The following PRKN variants were observed in gnomAD, a reference collection of about 807,000 sequenced individuals.
PRKN encodes parkin RBR E3 ubiquitin protein ligase.
A neutral mutation model predicts 59.5 loss-of-function variants in PRKN; 56 were observed. The observed-to-expected ratio is 0.94, with a 90% CI of 0.76 to 1.18. The LOEUF is 1.18. PRKN is among the 50% of genes most tolerant of loss of function. The pLI is 0.00. For missense variants in PRKN, 657 were observed against 596.4 expected (o/e 1.10, Z -1.06); for synonymous variants, 250 against 222.1 (o/e 1.13, Z -1.12).
intron 6 of PRKN, among the ~76,000 whole-genome samples, chr6:161,807,895 T>C (rs1046691816): frequency 1.3e-5 from 2 of 152,210 alleles, no homozygotes; most frequent in African/African-American, 4.8e-5. Flanking sequence ...CCAACATCTT[T>C]TTCTGGGAAC....
rs1463853692 is a variant in PRKN, at chr6:161,545,537, T to C, written c.1083+3317A>G. 1.1e-6 allele frequency: 1 copy of C among 875,432 alleles called. No homozygotes were observed. The highest frequency in any genetic ancestry group is 1.9e-6 in the Non-Finnish European group (1 of 527,138). 54.2% of individuals were successfully genotyped at this position (875,432 alleles called of 1,614,324 possible). ...ATGACATAATCTAACCACAATTTCT[T>C]CCAGACAATGGCTTTCCATTACACT... On this transcript the variant is annotated intron_variant, in intron 9 of 11. Transcript: ENST00000366898. This position sits in a 1 kb window ranked among gnomAD's most constrained non-coding sequence, Gnocchi z 4.1.
chr6:162,315,755 C>T (rs73598179), intron 2 of PRKN, among the ~76,000 whole-genome samples: 13,285 of 152,186 alleles, frequency 0.087, 680 homozygotes, highest in Middle Eastern at 0.16. Context: ...GATAAAACTG[C>T]AGATGCCAAC....
At chr6:162,712,935 G>C (rs1472680925) in intron 1 of PRKN, among the ~76,000 whole-genome samples, 1 of 152,164 alleles carries the variant, frequency 6.6e-6, no homozygotes, top group Non-Finnish European at 1.5e-5. Context: ...TTCCTCCAGA[G>C]TAAAACCCCT....
In PRKN at chr6:162,389,985, A is replaced by G. The variant is rs146845008; in HGVS notation, c.171+53325T>C. ...ACTTAGTGCAGGCTCAAGGTGAGAC[A>G]GTATTTTTGTTTTTTCTTAGGTTTA... On this transcript the variant is annotated intron_variant, in intron 2 of 11. Transcript: ENST00000366898. Among the ~76,000 whole-genome samples, 1,087 of 152,274 alleles carry G rather than the reference A, an allele frequency of 7.1e-3. 15 individuals carry two copies. The highest frequency in any genetic ancestry group is 0.025 in the African/African-American group (1,039 of 41,564).
chr6:161,373,193 T>C lies in PRKN; in HGVS notation c.1168-12988A>G, dbSNP rs1303689883. ...GACTGGGTGAGGCCCACCCACATTA[T>C]AGAGGGTCATCTCCTTGACCTCAAA... On this transcript the variant is annotated intron_variant, in intron 10 of 11. Coordinates refer to ENST00000366898, the MANE Select transcript of PRKN (RefSeq NM_004562.3). The surrounding 1 kb of genome is among the most constrained non-coding windows in gnomAD (Gnocchi z 4.8). 3.9e-5 allele frequency among the ~76,000 whole-genome samples: 6 copies of C among 152,174 alleles called. No individual in the cohort carries two copies. The highest frequency in any genetic ancestry group is 8.8e-5 in the Non-Finnish European group (6 of 68,024).
At chr6:162,467,457 C>G (rs929106653) in intron 1 of PRKN, among the ~76,000 whole-genome samples, 1 of 152,118 alleles carries the variant, frequency 6.6e-6, no homozygotes, top group African/African-American at 2.4e-5. Context: ...GAAACAGCAC[C>G]ATGAATGAAT....
rs188421588 is a variant in PRKN, at chr6:161,349,491, T to C, written c.*608A>G. 278 of 233,504 alleles carry C rather than the reference T, an allele frequency of 1.2e-3. 1 individual carries two copies. Among genetic ancestry groups the C allele is most frequent in the African/African-American group, 5.9e-3 (267 of 45,420 alleles). 14.5% of individuals were successfully genotyped at this position (233,504 alleles called of 1,614,324 possible). A position where few individuals can be genotyped will look rare whatever the true frequency, so the allele number is the denominator to read the frequency against. ...AATGCGATTTATATAGATGGAATTC[T>C]TAAGGATAAACAAATGTTTTTGACT... On this transcript the variant is annotated 3_prime_UTR_variant, in exon 12 of 12. Transcript: ENST00000366898. The surrounding 1 kb of genome is among the most constrained non-coding windows in gnomAD (Gnocchi z 5.5).
chr6:161,438,594 G>A (rs1789041590), intron 9 of PRKN, among the ~76,000 whole-genome samples: 1 of 152,092 alleles, frequency 6.6e-6, no homozygotes, highest in African/African-American at 2.4e-5. Flanking sequence ...CTTTCACTCA[G>A]AAGGGAAGGG....
At chr6:161,807,190 T>C (rs1411976857) in intron 6 of PRKN, among the ~76,000 whole-genome samples, 1 of 152,196 alleles carries the variant, frequency 6.6e-6, no homozygotes, top group Non-Finnish European at 1.5e-5. Context: ...CTTCAGTTAC[T>C]AAACCATACG....
At chr6:161,914,400 A>T (rs1211790293) in intron 6 of PRKN, among the ~76,000 whole-genome samples, 2 of 152,212 alleles carry the variant, frequency 1.3e-5, no homozygotes, top group Admixed American at 1.3e-4. Flanking sequence ...TATATTTCTA[A>T]GTACACATTG....
At chr6:161,427,302 C>T (rs1471551905) in intron 9 of PRKN, among the ~76,000 whole-genome samples, 3 of 152,108 alleles carry the variant, frequency 2.0e-5, no homozygotes, top group African/African-American at 7.2e-5. Flanking sequence ...ACTATTGGGC[C>T]CTAAACTAGT....
At chr6:161,781,552 G>A (rs1790205587) in intron 7 of PRKN, among the ~76,000 whole-genome samples, 1 of 152,130 alleles carries the variant, frequency 6.6e-6, no homozygotes, top group Non-Finnish European at 1.5e-5. Flanking sequence ...ACAACATAGA[G>A]CTTGACCACG....
chr6:161,930,483 A>G (rs995781453), intron 6 of PRKN, among the ~76,000 whole-genome samples: 2 of 152,216 alleles, frequency 1.3e-5, no homozygotes, highest in African/African-American at 4.8e-5. Context: ...TAAATGCAAC[A>G]GTTCTCAGTA....
Position 161,851,006 on chromosome 6 carries a change from G to A in PRKN, c.735-65098C>T, listed in dbSNP as rs117512484. On this transcript the variant is annotated intron_variant, in intron 6 of 11. Transcript: ENST00000366898. Reference sequence around the variant, plus strand: ...ATACATGTGATCTTCCAATGCCCCAGTACTTACAAATAACGATACTTTATT... The same window carrying A: ...ATACATGTGATCTTCCAATGCCCCAATACTTACAAATAACGATACTTTATT... Among the ~76,000 whole-genome samples the A allele has an allele frequency of 8.1e-3, 1,227 of 152,242 alleles. 9 individuals are homozygous for A. The highest frequency in any genetic ancestry group is 0.012 in the Non-Finnish European group (783 of 68,020).
intron 4 of PRKN, among the ~76,000 whole-genome samples, chr6:162,115,964 C>G (rs1241679730): frequency 6.6e-6 from 1 of 152,134 alleles, no homozygotes; most frequent in Non-Finnish European, 1.5e-5. Context: ...GTTTTACTTC[C>G]CGTCTCTATA....
At chr6:162,443,083 T>A (rs796445466) in intron 2 of PRKN, among the ~76,000 whole-genome samples, 40 of 150,286 alleles carry the variant, frequency 2.7e-4, no homozygotes, top group African/African-American at 8.8e-4. Flanking sequence ...GTGTTCTTTC[T>A]CTCTCTCTTT....
intron 6 of PRKN, among the ~76,000 whole-genome samples, chr6:161,791,850 A>G (rs1368898276): frequency 1.3e-5 from 2 of 152,242 alleles, no homozygotes; most frequent in Non-Finnish European, 2.9e-5. Flanking sequence ...TCCTCTCCAC[A>G]TTGAATGGAT....
At position 161,816,252 on chromosome 6, in the gene PRKN, A is replaced by G. The variant is rs149496698; in HGVS notation, c.735-30344T>C. 2.0e-3 allele frequency among the ~76,000 whole-genome samples: 297 copies of G among 152,234 alleles called. 2 individuals carry two copies. The highest frequency in any genetic ancestry group is 6.8e-3 in the African/African-American group (281 of 41,552). On this transcript the variant is annotated intron_variant, in intron 6 of 11. Coordinates refer to ENST00000366898, the MANE Select transcript of PRKN (RefSeq NM_004562.3). Reference sequence around the variant, plus strand: ...ATGCTGTGTGAAAGAAGACAAGCAGAAAGAAACACACACTGGGTAACTCCA... The same window carrying G: ...ATGCTGTGTGAAAGAAGACAAGCAGGAAGAAACACACACTGGGTAACTCCA...
intron 7 of PRKN, among the ~76,000 whole-genome samples, chr6:161,732,190 G>A (rs930935805): frequency 6.6e-6 from 1 of 151,770 alleles, no homozygotes; most frequent in Non-Finnish European, 1.5e-5. Flanking sequence ...GGGTTCAAGC[G>A]ATTCTCCTGC....
Sources: gnomAD v4.1 joint callset for allele counts (sites outside exome capture counted in the v4.1 genomes callset) on GRCh38, gnomAD v4.1.1 for gene constraint, Gnocchi (gnomAD v3.1) non-coding constraint, MANE v1.5 for transcripts, NCBI Gene and HGNC (gene_info 2026-07-23, HGNC 2026-07-21) for gene names.